NUSAP1: variants seen among roughly 807,000 people sequenced by gnomAD.
NUSAP1 encodes nucleolar and spindle associated protein 1, also known as nucleolar and spindle-associated protein 1.
NUSAP1 carries 32 observed loss-of-function variants against 52.8 expected under a neutral mutation model. The observed-to-expected ratio is 0.61, with a 90% CI of 0.46 to 0.81. The LOEUF (loss-of-function observed/expected upper bound fraction) is 0.81. Ranked by LOEUF, NUSAP1 falls within the 40% of genes least tolerant of loss-of-function variation. The pLI is 0.00. For synonymous variants in NUSAP1, 195 were observed against 183.1 expected (o/e 1.06, Z -0.52); for missense variants, 499 against 522.3 (o/e 0.96, Z 0.43).
At chr15:41,350,950 T>C in intron 3 of NUSAP1, 38 bp from the exon 4 acceptor site, 1 of 1,551,072 alleles carries the variant, frequency 6.4e-7, no homozygotes, top group Non-Finnish European at 8.8e-7. Context: ...AATTCTTATT[T>C]ATCATCGAAA....
intron 2 of NUSAP1, chr15:41,343,346 C>A (rs766226839): frequency 1.3e-5 from 2 of 152,060 alleles, no homozygotes; most frequent in African/African-American, 2.4e-5. Context: ...AGCCAAGATT[C>A]TTTTATTCTT....
chr15:41,361,986 C>T (rs1297564285), intron 6 of NUSAP1, among the ~76,000 whole-genome samples: 1 of 152,040 alleles, frequency 6.6e-6, no homozygotes, highest in African/African-American at 2.4e-5. Flanking sequence ...GCCATGACAG[C>T]CTCTCTTTGA....
At chr15:41,363,636 G>A (rs1240771177) in intron 6 of NUSAP1, among the ~76,000 whole-genome samples, 2 of 152,064 alleles carry the variant, frequency 1.3e-5, no homozygotes, top group Non-Finnish European at 2.9e-5. Flanking sequence ...GCCTCCCAAA[G>A]TACTGAGATT....
chr15:41,356,726 G>A (rs748127699), intron 5 of NUSAP1, among the ~76,000 whole-genome samples: 3 of 152,014 alleles, frequency 2.0e-5, no homozygotes, highest in African/African-American at 4.8e-5. Flanking sequence ...TCCCTATCAC[G>A]GCAAATAGCA....
chr15:41,359,913 C>T (rs2049109051), intron 6 of NUSAP1, among the ~76,000 whole-genome samples: 1 of 152,116 alleles, frequency 6.6e-6, no homozygotes, highest in South Asian at 2.1e-4. Flanking sequence ...ATGCATGAGC[C>T]ATTGCTCCCA....
chr15:41,377,869 C>T (rs777167789), intron 10 of NUSAP1, among the ~76,000 whole-genome samples: 1 of 150,730 alleles, frequency 6.6e-6, no homozygotes, highest in African/African-American at 2.4e-5. Flanking sequence ...GGCGTGGTGG[C>T]GGGCGCCTGT....
Position 41,347,827 on chromosome 15 carries a change from AAAG to A in NUSAP1, c.163-1268_163-1266del, listed in dbSNP as rs1245606981. On this transcript the variant is annotated intron_variant, in intron 2 of 10. Transcript: ENST00000559596. ...AGACTCCGTCTCAAAAAAAAAAAAA[AAAG>A]AAAGAAAACGGACTGGGCATAGAGG... Among the ~76,000 whole-genome samples, 357 of 151,940 alleles carry A rather than the reference AAAG, an allele frequency of 2.3e-3. 1 individual carries two copies. Among genetic ancestry groups the A allele is most frequent in the South Asian group, 5.6e-3 (27 of 4,800 alleles).
chr15:41,335,270 CTA>C (rs947477154), intron 1 of NUSAP1, among the ~76,000 whole-genome samples: 2 of 113,050 alleles, frequency 1.8e-5, no homozygotes, highest in African/African-American at 4.2e-5. Flanking sequence ...CTAGTATATA[CTA>C]TATATATTAT....
At chr15:41,373,233 A>G (rs1223479103) in intron 8 of NUSAP1, among the ~76,000 whole-genome samples, 5 of 151,880 alleles carry the variant, frequency 3.3e-5, no homozygotes, top group African/African-American at 1.2e-4. Flanking sequence ...GTCTCTACTA[A>G]AAATACGAAA....
rs1389702400 is a variant in NUSAP1 at position 41,349,328 on chromosome 15, G to A, written c.306+87G>A. 7 of 1,305,688 alleles carry A rather than the reference G, an allele frequency of 5.4e-6. No individual in the cohort carries two copies. In the Admixed American group the frequency reaches 1.2e-4, roughly 23 times the overall value. The allele number at this position is 1,305,688 out of a possible 1,614,324, so 80.9% of individuals were successfully genotyped here. A position where few individuals can be genotyped will look rare whatever the true frequency, so the allele number is the denominator to read the frequency against. ...GAGATTTCTTTTTAAATTCCCATGT[G>A]ATGTCATGTGTTTGTAAGGTTACTG... On this transcript the variant is annotated intron_variant, in intron 3 of 10. Transcript: ENST00000559596.
intron 2 of NUSAP1, among the ~76,000 whole-genome samples, chr15:41,348,373 C>T (rs963432767): frequency 1.3e-5 from 2 of 152,010 alleles, no homozygotes; most frequent in East Asian, 1.9e-4. Context: ...GCCACTGGCC[C>T]GGCTTAATAC....
At chr15:41,378,542 C>A (rs2050066649) in intron 10 of NUSAP1, among the ~76,000 whole-genome samples, 1 of 152,130 alleles carries the variant, frequency 6.6e-6, no homozygotes, top group Non-Finnish European at 1.5e-5. Context: ...TCCCAGTACT[C>A]TGGGAGGCCA....
chr15:41,375,857 C>A, intron 9 of NUSAP1, 29 bp downstream of exon 9: 1 of 1,448,402 alleles, frequency 6.9e-7, no homozygotes, highest in Non-Finnish European at 9.7e-7. Context: ...AGCTACAGGG[C>A]CTGTAAAATA....
At chr15:41,358,764 T>C (rs1255889711) in intron 6 of NUSAP1, among the ~76,000 whole-genome samples, 2 of 152,192 alleles carry the variant, frequency 1.3e-5, no homozygotes, top group Non-Finnish European at 2.9e-5. Flanking sequence ...ATCCTGACTA[T>C]GAGAAACTAT....
chr15:41,340,816 T>C (rs1045249993), intron 1 of NUSAP1, among the ~76,000 whole-genome samples: 11 of 152,200 alleles, frequency 7.2e-5, no homozygotes, highest in Admixed American at 5.2e-4. Context: ...GTGCCTGATA[T>C]CTTGATGCAG....
chr15:41,337,931 CTT>C (rs757341496), intron 1 of NUSAP1, among the ~76,000 whole-genome samples: 71 of 110,938 alleles, frequency 6.4e-4, no homozygotes, highest in African/African-American at 1.5e-3. Flanking sequence ...TTTCTTTTTT[CTT>C]TTTTTTTTTT....
At chr15:41,371,187 TGGAGGAGGA>T (rs368043352) in intron 7 of NUSAP1, among the ~76,000 whole-genome samples, 3 of 151,594 alleles carry the variant, frequency 2.0e-5, no homozygotes, top group Non-Finnish European at 2.9e-5. Flanking sequence ...TCCCCTAACC[TGGAGGAGGA>T]GGAGGAGGAG....
chr15:41,378,730 A>G (rs1042522116), intron 10 of NUSAP1, among the ~76,000 whole-genome samples: 1 of 152,000 alleles, frequency 6.6e-6, no homozygotes, highest in Non-Finnish European at 1.5e-5. Context: ...AAATTGCACC[A>G]TTGCACTACA....
rs1024380797 is a variant in NUSAP1, at chr15:41,377,177, T to G, written c.1124-19T>G. The G allele has an allele frequency of 8.0e-6, 10 of 1,249,606 alleles. No individual in the cohort carries two copies. The highest frequency in any genetic ancestry group is 1.1e-5 in the Non-Finnish European group (10 of 892,134). The allele number at this position is 1,249,606 out of a possible 1,614,324, so 77.4% of individuals were successfully genotyped here. A position where few individuals can be genotyped will look rare whatever the true frequency, so the allele number is the denominator to read the frequency against. ...ATCAAACAATCTTTTTAAAATTCTT[T>G]GTCTCTGTCCTAAACTAGGAAAGCT... On this transcript the variant is annotated intron_variant, in intron 9 of 10. Coordinates refer to ENST00000559596, the MANE Select transcript of NUSAP1 (RefSeq NM_016359.5).
Sources: allele counts gnomAD v4.1 joint callset (sites outside exome capture counted in the v4.1 genomes callset), GRCh38; gene constraint gnomAD v4.1.1; transcripts MANE v1.5; gene names NCBI Gene and HGNC (gene_info 2026-07-23, HGNC 2026-07-21).